ATE1: variants seen among roughly 807,000 people sequenced by gnomAD.
The protein encoded by ATE1 is arginyltransferase 1, also known as arginyl-tRNA--protein transferase 1.
In ATE1, 36 loss-of-function variants were observed where a neutral mutation model predicts 70.5. The observed-to-expected ratio is 0.51, with a 90% CI of 0.39 to 0.67. The LOEUF (loss-of-function observed/expected upper bound fraction) is 0.67, where lower values mean the gene tolerates loss of function less well. Ranked by LOEUF, ATE1 falls within the 30% of genes least tolerant of loss-of-function variation. The pLI is 0.00. For synonymous variants in ATE1, 232 were observed against 219.3 expected (o/e 1.06, Z -0.51); for missense variants, 593 against 629.5 (o/e 0.94, Z 0.62).
intron 11 of ATE1, among the ~76,000 whole-genome samples, chr10:121,754,018 A>G (rs974386894): frequency 1.3e-5 from 2 of 152,202 alleles, no homozygotes; most frequent in African/African-American, 4.8e-5. Flanking sequence ...CAGTCAGAGA[A>G]TGGAGCTACA....
intron 10 of ATE1, among the ~76,000 whole-genome samples, chr10:121,835,615 CAGGAAAT>C (rs1215153914): frequency 6.6e-6 from 1 of 151,906 alleles, no homozygotes; most frequent in Non-Finnish European, 1.5e-5. Context: ...ATAAAGGAAA[CAGGAAAT>C]AGGAACACTG....
At chr10:121,899,048 G>A in intron 7 of ATE1, 1 of 1,505,108 alleles carries the variant, frequency 6.6e-7, no homozygotes, top group African/African-American at 1.4e-5. Context: ...GCTACAGTAA[G>A]ATCTCCACAA....
At chr10:121,849,642 A>G (rs183845874) in intron 8 of ATE1, among the ~76,000 whole-genome samples, 6 of 152,292 alleles carry the variant, frequency 3.9e-5, no homozygotes, top group African/African-American at 1.2e-4. Context: ...GTCAGAGGCC[A>G]TTTTCCTAAA....
At chr10:121,909,899 C>G (rs1295267660) in intron 5 of ATE1, among the ~76,000 whole-genome samples, 1 of 151,958 alleles carries the variant, frequency 6.6e-6, no homozygotes, top group African/African-American at 2.4e-5. Context: ...TTTAAAAGAA[C>G]TAGGCATGGT....
chr10:121,777,295 T>C (rs1435591753), intron 11 of ATE1, among the ~76,000 whole-genome samples: 1 of 152,222 alleles, frequency 6.6e-6, no homozygotes, highest in East Asian at 1.9e-4. Context: ...TAAATAATGT[T>C]AATGTGAATA....
chr10:121,890,887 G>A, intron 7 of ATE1, among the ~76,000 whole-genome samples: 1 of 152,064 alleles, frequency 6.6e-6, no homozygotes, highest in East Asian at 1.9e-4. Flanking sequence ...ATATCTACCT[G>A]AATGACTGAA....
At chr10:121,809,646 T>G (rs2133452524) in intron 10 of ATE1, among the ~76,000 whole-genome samples, 1 of 152,048 alleles carries the variant, frequency 6.6e-6, no homozygotes, top group East Asian at 1.9e-4. Context: ...AATGCAAATG[T>G]CAACAGGGAA....
At chr10:121,928,308 C>T, upstream of ATE1, 4 of 1,508,024 alleles carry the variant, frequency 2.7e-6, no homozygotes, top group Non-Finnish European at 3.5e-6. Context: ...CTGTGCGGGG[C>T]GCGGCGGCCG....
In ATE1 at chr10:121,868,907, A is replaced by C. The variant is rs80054777; in HGVS notation, c.975+1099T>G. Among the ~76,000 whole-genome samples the C allele has an allele frequency of 1.0e-2, 1,518 of 152,320 alleles. 35 individuals carry two copies. The highest frequency in any genetic ancestry group is 0.035 in the African/African-American group (1,439 of 41,554). On this transcript the variant is annotated intron_variant, in intron 8 of 11. Transcript: ENST00000224652. ...CATTATCAGCAATAATAGTTTCAAT[A>C]ATCAAATAAACAAAATGTTATAAAA...
intron 9 of ATE1, among the ~76,000 whole-genome samples, chr10:121,840,522 T>C (rs1466435936): frequency 1.3e-5 from 2 of 152,072 alleles, no homozygotes; most frequent in African/African-American, 4.8e-5. Context: ...ATAAGTCATA[T>C]AACGTTTAAG....
chr10:121,854,524 T>G (rs183834181), intron 8 of ATE1, among the ~76,000 whole-genome samples: 1 of 152,190 alleles, frequency 6.6e-6, no homozygotes, highest in Non-Finnish European at 1.5e-5. Flanking sequence ...ACACAACTTT[T>G]CTTGGCTCCC....
intron 8 of ATE1, among the ~76,000 whole-genome samples, chr10:121,861,852 TAAC>T (rs1387801007): frequency 6.6e-6 from 1 of 152,130 alleles, no homozygotes; most frequent in African/African-American, 2.4e-5. Flanking sequence ...TGACTAGGGT[TAAC>T]AACAACAATG....
At chr10:121,918,950 C>T (rs559690641) in intron 3 of ATE1, among the ~76,000 whole-genome samples, 1 of 152,212 alleles carries the variant, frequency 6.6e-6, no homozygotes, top group South Asian at 2.1e-4. Flanking sequence ...CCAATCAGTG[C>T]TCTGTGGCTA....
At chr10:121,806,573 CTATT>C (rs1371962789) in intron 10 of ATE1, among the ~76,000 whole-genome samples, 1 of 152,128 alleles carries the variant, frequency 6.6e-6, no homozygotes, top group Non-Finnish European at 1.5e-5. Context: ...CATGAACTAT[CTATT>C]TGATGATATT....
intron 11 of ATE1, among the ~76,000 whole-genome samples, chr10:121,765,578 A>T (rs1282486756): frequency 6.6e-6 from 1 of 152,248 alleles, no homozygotes. Context: ...AGGGTGTATT[A>T]ACAATTTATT....
intron 7 of ATE1, among the ~76,000 whole-genome samples, chr10:121,882,354 T>TA (rs1263936479): frequency 5.3e-5 from 8 of 152,228 alleles, no homozygotes; most frequent in African/African-American, 1.9e-4. Flanking sequence ...AAGGATCACT[T>TA]ACTTGCCCTT....
At chr10:121,801,067 G>A (rs909401627) in intron 10 of ATE1, among the ~76,000 whole-genome samples, 4 of 152,198 alleles carry the variant, frequency 2.6e-5, no homozygotes, top group African/African-American at 7.2e-5. Context: ...CTCAGTTGGC[G>A]AGGTGAGCTG....
chr10:121,816,364 C>A (rs1225304481), intron 10 of ATE1, among the ~76,000 whole-genome samples: 1 of 152,130 alleles, frequency 6.6e-6, no homozygotes, highest in Non-Finnish European at 1.5e-5. Context: ...ACTTAATCCT[C>A]ACTGTAGTGG....
At chr10:121,817,495 C>A (rs536139505) in intron 10 of ATE1, among the ~76,000 whole-genome samples, 3 of 151,408 alleles carry the variant, frequency 2.0e-5, no homozygotes, top group Non-Finnish European at 2.9e-5. Flanking sequence ...GCCAAGATCA[C>A]GCCACTGCAC....
Sources: gnomAD v4.1 joint callset for allele counts (sites outside exome capture counted in the v4.1 genomes callset) on GRCh38, gnomAD v4.1.1 for gene constraint, MANE v1.5 for transcripts, NCBI Gene and HGNC (gene_info 2026-07-23, HGNC 2026-07-21) for gene names.